Variants in MAP7D2 observed in about 807,000 individuals in gnomAD.
MAP7D2 encodes the protein MAP7 domain-containing protein 2.
A neutral mutation model predicts 63.5 loss-of-function variants in MAP7D2; 33 were observed. That is an observed-to-expected ratio of 0.52 (90% CI 0.39 to 0.70). The LOEUF is 0.70. MAP7D2 is among the 30% of genes least tolerant of loss of function. The pLI, the probability that MAP7D2 is intolerant of heterozygous loss-of-function variation, is 0.00. For missense variants in MAP7D2, 626 were observed against 604.0 expected, an observed-to-expected ratio of 1.04 and a Z score of -0.38; for synonymous variants, 224 against 223.7, an observed-to-expected ratio of 1.00 and a Z score of -0.01.
intron 8 of MAP7D2, among the ~76,000 whole-genome samples, chrX:20,034,112 C>T (rs1416716194): frequency 2.9e-5 from 3 of 103,796 alleles, no homozygotes; most frequent in African/African-American, 1.1e-4. Flanking sequence ...GTAATCCCAG[C>T]TATTTGGGAG....
intron 10 of MAP7D2, chrX:20,017,168 G>A (rs758620385): frequency 1.8e-5 from 2 of 113,990 alleles, no homozygotes; most frequent in East Asian, 5.5e-4. Context: ...CACTCACTGT[G>A]TGACACCTGG....
chrX:20,036,178 C>T (rs7880151), intron 8 of MAP7D2, among the ~76,000 whole-genome samples: 33,567 of 109,491 alleles, frequency 0.31, 5,072 homozygotes, highest in African/African-American at 0.58. Context: ...AAACTACCCA[C>T]TGGGTACTAT....
intron 1 of MAP7D2, among the ~76,000 whole-genome samples, chrX:20,112,226 C>T (rs2066764673): frequency 8.9e-6 from 1 of 111,854 alleles, no homozygotes; most frequent in African/African-American, 3.3e-5. Context: ...AGGTGGTGAA[C>T]GAACCCAGCA....
intron 8 of MAP7D2, among the ~76,000 whole-genome samples, chrX:20,040,521 C>A (rs1479309636): frequency 8.9e-6 from 1 of 111,740 alleles, no homozygotes; most frequent in Non-Finnish European, 1.9e-5. Context: ...TCATTTCTAG[C>A]TTTTGATTTA....
chrX:20,114,613 G>A (rs955320977), intron 1 of MAP7D2, among the ~76,000 whole-genome samples: 4 of 112,226 alleles, frequency 3.6e-5, no homozygotes, highest in Non-Finnish European at 7.5e-5. Flanking sequence ...TTTCAATATC[G>A]GAAGAACCTG....
At chrX:20,031,463 A>G (rs1017182398) in intron 8 of MAP7D2, among the ~76,000 whole-genome samples, 6 of 110,606 alleles carry the variant, frequency 5.4e-5, no homozygotes, top group Non-Finnish European at 1.1e-4. Context: ...GAAAAAAAAA[A>G]TGATATAAAA....
chrX:20,064,576 G>A, intron 2 of MAP7D2, 152 bp downstream of exon 2: 1 of 467,971 alleles, frequency 2.1e-6, no homozygotes. Context: ...TTGTGAACAT[G>A]CCAGTTGCAG....
At chrX:20,062,509 T>C (rs897571463) in intron 3 of MAP7D2, among the ~76,000 whole-genome samples, 2 of 111,248 alleles carry the variant, frequency 1.8e-5, no homozygotes, top group African/African-American at 6.5e-5. Flanking sequence ...GGGGTAAATA[T>C]ATATAGTGAT....
intron 1 of MAP7D2, among the ~76,000 whole-genome samples, chrX:20,065,264 CTTT>C (rs779399409): frequency 0.02 from 1,828 of 91,388 alleles, 50 homozygotes; most frequent in African/African-American, 0.069. Context: ...GAACATTTTA[CTTT>C]TTTTTTTTTT....
In MAP7D2 at chrX:20,042,696, C is replaced by A. The variant is rs941897633; in HGVS notation, c.880-67G>T. On this transcript the variant is annotated intron_variant, in intron 7 of 16. Coordinates refer to ENST00000379643, the MANE Select transcript of MAP7D2 (RefSeq NM_001168465.2). ...ACTTCCACAATTTATAAGACTAATA[C>A]CCCAGATGGAACAATGCACAGCTTT... is the stretch of plus-strand genomic sequence containing the variant. The A allele has an allele frequency of 1.1e-5, 12 of 1,135,489 alleles. No individual in the cohort carries two copies. The South Asian group carries it at 1.9e-4, about 18-fold the overall frequency. The allele number at this position is 1,135,489 out of a possible 1,213,427, so 93.6% of individuals were successfully genotyped here.
intron 1 of MAP7D2, among the ~76,000 whole-genome samples, chrX:20,099,556 G>A (rs1215524251): frequency 8.9e-6 from 1 of 111,821 alleles, no homozygotes; most frequent in African/African-American, 3.3e-5. Context: ...AGGGGCATTG[G>A]AAATTCATCT....
chrX:20,037,441 C>G (rs1043377600), intron 8 of MAP7D2, among the ~76,000 whole-genome samples: 3 of 111,675 alleles, frequency 2.7e-5, no homozygotes, highest in African/African-American at 9.8e-5. Flanking sequence ...GGGCGGTTCC[C>G]TATGATCAGT....
chrX:20,058,283 G>A (rs1437083579), intron 3 of MAP7D2, among the ~76,000 whole-genome samples: 1 of 112,509 alleles, frequency 8.9e-6, no homozygotes, highest in Non-Finnish European at 1.9e-5. Context: ...ACAGCCACTC[G>A]AGATTGGGGC....
At chrX:20,105,002 G>A (rs1294679631) in intron 1 of MAP7D2, among the ~76,000 whole-genome samples, 1 of 112,037 alleles carries the variant, frequency 8.9e-6, no homozygotes, top group Non-Finnish European at 1.9e-5. Flanking sequence ...CACATCAGCA[G>A]AATTCGGTTT....
intron 8 of MAP7D2, among the ~76,000 whole-genome samples, chrX:20,028,276 G>A (rs945089790): frequency 6.3e-5 from 7 of 111,992 alleles, no homozygotes; most frequent in Admixed American, 1.9e-4. Context: ...TGTTGCCAGC[G>A]CAGCTAAGTC....
chrX:20,064,755 T>C lies in MAP7D2; in HGVS notation c.181A>G (p.Arg61Gly). The C allele has an allele frequency of 1.7e-6, 2 of 1,211,761 alleles. No individual in the cohort carries two copies. The highest frequency in any genetic ancestry group is 1.8e-5 in the South Asian group (1 of 57,009). The change falls in exon 2 of 17, where the codon AGA becomes GGA. Residue 61 changes from arginine (R) to glycine (G), a missense_variant. By Grantham distance (125) the Arg-to-Gly change is moderately radical. Transcript: ENST00000379643. ...AGACATTTTTCTCTTTCTTCTCGTCTTTCTTTGGCCAATCTCTGCCTCTCA... is the reference window on the plus strand; with the variant it reads ...AGACATTTTTCTCTTTCTTCTCGTCCTTCTTTGGCCAATCTCTGCCTCTCA... ...SDERQRLAKE[R>G]REEREKCLAA...
chrX:20,106,658 GAC>G (rs772570832), intron 1 of MAP7D2, among the ~76,000 whole-genome samples: 1 of 112,399 alleles, frequency 8.9e-6, no homozygotes, highest in Admixed American at 9.4e-5. Context: ...TCCAAATGGA[GAC>G]ACACTAGAAG....
intron 1 of MAP7D2, among the ~76,000 whole-genome samples, chrX:20,107,485 C>T (rs1254286114): frequency 1.8e-5 from 2 of 110,976 alleles, no homozygotes; most frequent in African/African-American, 6.6e-5. Context: ...GCATAAGAAC[C>T]GTTTGAACCG....
At chrX:20,063,221 A>G (rs940611326) in intron 3 of MAP7D2, among the ~76,000 whole-genome samples, 193 bp downstream of exon 3, 3 of 112,198 alleles carry the variant, frequency 2.7e-5, no homozygotes, top group Non-Finnish European at 5.6e-5. Context: ...AGTTGAATGG[A>G]TAAGTCTCTG....
Sources: allele counts gnomAD v4.1 joint callset (sites outside exome capture counted in the v4.1 genomes callset), GRCh38; gene constraint gnomAD v4.1.1; transcripts MANE v1.5; gene names NCBI Gene and HGNC (gene_info 2026-07-23, HGNC 2026-07-21).